Variants in POFUT1 observed in about 807,000 individuals in gnomAD.
POFUT1 encodes protein O-fucosyltransferase 1.
In POFUT1, 16 loss-of-function variants were observed where a neutral mutation model predicts 42.4. The ratio of observed to expected loss-of-function variants is 0.38; its 90% CI spans 0.26 to 0.57. The LOEUF is 0.57. POFUT1 is among the 20% of genes least tolerant of loss of function. POFUT1 has a pLI of 0.71. For synonymous variants in POFUT1, 206 were observed against 205.4 expected, an observed-to-expected ratio of 1.00 and a Z score of -0.03; for missense variants, 470 against 504.6, an observed-to-expected ratio of 0.93 and a Z score of 0.66.
chr20:32,213,084 C>T (rs2122566794), intron 2 of POFUT1, among the ~76,000 whole-genome samples: 1 of 151,412 alleles, frequency 6.6e-6, no homozygotes, highest in African/African-American at 2.4e-5. Context: ...TGGGGTTTCA[C>T]CATGTTGTCC....
chr20:32,227,122 G>C (rs1410169734), intron 4 of POFUT1, among the ~76,000 whole-genome samples: 1 of 152,152 alleles, frequency 6.6e-6, no homozygotes, highest in African/African-American at 2.4e-5. Flanking sequence ...TCTAGAACTT[G>C]AAAGTGCATT....
chr20:32,229,887 C>G (rs1569161190), intron 5 of POFUT1, among the ~76,000 whole-genome samples: 1 of 151,920 alleles, frequency 6.6e-6, no homozygotes, highest in South Asian at 2.1e-4. Flanking sequence ...TGGTGGTCCT[C>G]CCACCTCAGC....
intron 4 of POFUT1, among the ~76,000 whole-genome samples, chr20:32,219,763 C>T (rs558872233): frequency 2.3e-4 from 35 of 152,154 alleles, no homozygotes; most frequent in Non-Finnish European, 4.6e-4. Flanking sequence ...TCCCAAAGTG[C>T]TGGGATTACA....
chr20:32,218,584 TC>T lies in POFUT1; in HGVS notation c.542+1865del, dbSNP rs2047374265. Among the ~76,000 whole-genome samples the T allele has an allele frequency of 2.0e-5, 3 of 152,282 alleles. No individual in the cohort carries two copies. The South Asian group carries it at 6.2e-4, about 32-fold the overall frequency. ...CCTCAGTCATGGCAGATTTAAATCT[TC>T]CTCATTGTTGATCCCAGATAGCACA... On this transcript the variant is annotated intron_variant, in intron 4 of 6. Transcript: ENST00000375749.
At chr20:32,224,808 A>AATAGGT (rs2122590203) in intron 4 of POFUT1, among the ~76,000 whole-genome samples, 1 of 152,330 alleles carries the variant, frequency 6.6e-6, no homozygotes, top group South Asian at 2.1e-4. Context: ...GCAAGAGGGA[A>AATAGGT]ATAGGTAGGT....
intron 4 of POFUT1, among the ~76,000 whole-genome samples, chr20:32,222,097 A>C (rs1212238387): frequency 1.3e-5 from 2 of 152,074 alleles, no homozygotes; most frequent in Non-Finnish European, 2.9e-5. Flanking sequence ...CAGGAGTTCA[A>C]GACCAACCTG....
intron 4 of POFUT1, chr20:32,217,202 A>G: frequency 4.2e-6 from 6 of 1,435,056 alleles, no homozygotes; most frequent in Non-Finnish European, 5.5e-6. Flanking sequence ...GCCGTGAAAC[A>G]TTTATAGGGC....
intron 3 of POFUT1, 53 bp from the exon 4 acceptor site, chr20:32,216,556 C>G: frequency 8.8e-7 from 1 of 1,142,812 alleles, no homozygotes; most frequent in South Asian, 1.2e-5. Flanking sequence ...GGCCCCATCC[C>G]CAAATGGCTT....
At chr20:32,215,936 A>G (rs2047357788) in intron 3 of POFUT1, among the ~76,000 whole-genome samples, 1 of 152,230 alleles carries the variant, frequency 6.6e-6, no homozygotes, top group South Asian at 2.1e-4. Flanking sequence ...CCAGGATCAC[A>G]CAGCAAACAA....
Position 32,230,908 on chromosome 20 carries a change from G to A in POFUT1, c.825G>A (p.Ala275=), listed in dbSNP as rs765364279. The A allele has an allele frequency of 1.5e-5, 24 of 1,614,064 alleles. No individual in the cohort carries two copies. The Middle Eastern group carries it at 6.6e-4, about 44-fold the overall frequency. The change falls in exon 6 of 7, where the codon GCG becomes GCA. Residue 275 remains alanine, a synonymous_variant. Coordinates refer to ENST00000375749, the MANE Select transcript of POFUT1 (RefSeq NM_015352.2). ...PQCVGYSRST[A]APLTMTMCLP... is the part of the protein sequence containing the mutation. The stretch of plus-strand genomic sequence containing the variant: ...GTGTGGGCTACAGCCGCAGCACAGC[G>A]GCCCCCCTCACGATGACTATGTGCC...
intron 2 of POFUT1, among the ~76,000 whole-genome samples, chr20:32,211,153 A>T (rs2047325750): frequency 6.6e-6 from 1 of 152,220 alleles, no homozygotes; most frequent in Non-Finnish European, 1.5e-5. Flanking sequence ...TGTCAGTGGC[A>T]GTAACACGCC....
chr20:32,212,253 A>G (rs774496938), intron 2 of POFUT1, among the ~76,000 whole-genome samples: 1 of 151,124 alleles, frequency 6.6e-6, no homozygotes, highest in Admixed American at 6.6e-5. Flanking sequence ...AGACTCCTCC[A>G]TAATTACAGG....
At chr20:32,226,054 C>T (rs1360501889) in intron 4 of POFUT1, among the ~76,000 whole-genome samples, 1 of 152,190 alleles carries the variant, frequency 6.6e-6, no homozygotes. Flanking sequence ...AAACACATTA[C>T]CCTCTGGGAA....
chr20:32,215,555 G>A, intron 3 of POFUT1, 104 bp downstream of exon 3: 1 of 982,724 alleles, frequency 1.0e-6, no homozygotes, highest in Non-Finnish European at 1.5e-6. Flanking sequence ...GAAGGACTTA[G>A]AATAGAAAGA....
chr20:32,228,445 G>T lies in POFUT1; in HGVS notation c.725G>T (p.Gly242Val). Residue 242 changes from glycine (G) to valine (V), a missense_variant, in exon 5 of 7, where the codon GGC becomes GTC. Gly to Val is a moderately radical substitution (Grantham distance 109). Transcript: ENST00000375749. ...TATGTGGGCATTCATCTGCGCATTG[G>T]CTCTGACTGGGTAACTTCCCCCTTC... ...RPYVGIHLRI[G>V]SDWKNACAML... 6.2e-7 allele frequency: 1 copy of T among 1,613,778 alleles called. No individual in the cohort carries two copies. Among genetic ancestry groups the T allele is most frequent in the Non-Finnish European group, 8.5e-7 (1 of 1,179,768 alleles).
intron 4 of POFUT1, chr20:32,223,192 CTT>C (rs1426561415): frequency 2.0e-6 from 2 of 985,312 alleles, no homozygotes; most frequent in Non-Finnish European, 2.4e-6. Flanking sequence ...AGCCAGCTGA[CTT>C]CAGCTGGATA....
rs73108506 is a variant in POFUT1 at position 32,212,115 on chromosome 20, C to T, written c.246+1923C>T. Among the ~76,000 whole-genome samples the T allele has an allele frequency of 5.8e-3, 876 of 152,298 alleles. 5 individuals carry two copies. Among genetic ancestry groups the T allele is most frequent in the Non-Finnish European group, 9.6e-3 (653 of 68,026 alleles). ...AAAGTGATGAGTGCAGTACCTAGCACTGTGTCAACATGCAATAAATATTAG... is the reference window on the plus strand; with the variant it reads ...AAAGTGATGAGTGCAGTACCTAGCATTGTGTCAACATGCAATAAATATTAG... On this transcript the variant is annotated intron_variant, in intron 2 of 6. Transcript: ENST00000375749.
chr20:32,222,980 A>G, intron 4 of POFUT1: 1 of 985,258 alleles, frequency 1.0e-6, no homozygotes, highest in Non-Finnish European at 1.2e-6. Flanking sequence ...TGGCAGGGAC[A>G]TCCAGAACAA....
chr20:32,231,200 C>A, intron 6 of POFUT1, 139 bp downstream of exon 6: 1 of 884,098 alleles, frequency 1.1e-6, no homozygotes, highest in Non-Finnish European at 1.7e-6. Flanking sequence ...AGTTCCTACC[C>A]TCCTTCAAAC....
Sources: gnomAD v4.1 joint callset for allele counts (sites outside exome capture counted in the v4.1 genomes callset) on GRCh38, gnomAD v4.1.1 for gene constraint, MANE v1.5 for transcripts, NCBI Gene and HGNC (gene_info 2026-07-23, HGNC 2026-07-21) for gene names.